Variants in MAGI2 observed in about 807,000 individuals in gnomAD.
The protein encoded by MAGI2 is membrane associated guanylate kinase, WW and PDZ domain containing 2.
Under a neutral mutation model 133.3 loss-of-function variants are expected in MAGI2, and 35 were observed. The ratio of observed to expected loss-of-function variants is 0.26; its 90% CI spans 0.20 to 0.35. The LOEUF is 0.35. MAGI2 is among the 10% of genes least tolerant of loss of function. The probability of loss-of-function intolerance (pLI) is 1.00; values close to 1 mark genes in which losing one functional copy is unlikely to be tolerated. For missense variants in MAGI2, 1,636 were observed against 1,863.4 expected (o/e 0.88, Z 2.25); for synonymous variants, 729 against 710.6 (o/e 1.03, Z -0.41).
At chr7:79,192,486 A>T (rs1264390858) in intron 1 of MAGI2, among the ~76,000 whole-genome samples, 1 of 151,864 alleles carries the variant, frequency 6.6e-6, no homozygotes, top group Non-Finnish European at 1.5e-5. Flanking sequence ...ACAAGAAGGG[A>T]CTGGGATCTA....
chr7:79,024,980 T>C (rs999156902), intron 1 of MAGI2, among the ~76,000 whole-genome samples: 2 of 152,144 alleles, frequency 1.3e-5, no homozygotes, highest in East Asian at 1.9e-4. Context: ...ATCTACTATT[T>C]GACCCAGCAA....
intron 2 of MAGI2, among the ~76,000 whole-genome samples, chr7:78,766,278 T>A (rs956069447): frequency 6.6e-6 from 1 of 152,350 alleles, no homozygotes; most frequent in South Asian, 2.1e-4. Context: ...TGGAGAAAGA[T>A]AGAAACTTCA....
At chr7:78,372,082 G>T (rs531079511) in intron 6 of MAGI2, among the ~76,000 whole-genome samples, 85 of 152,038 alleles carry the variant, frequency 5.6e-4, no homozygotes, top group Non-Finnish European at 7.2e-4. Flanking sequence ...ATGTATATAT[G>T]CATGTGTACC....
intron 9 of MAGI2, among the ~76,000 whole-genome samples, chr7:78,319,743 C>A (rs927976946): frequency 6.6e-6 from 1 of 152,078 alleles, no homozygotes; most frequent in African/African-American, 2.4e-5. Flanking sequence ...CAAACAAATT[C>A]AAAAGCTAGC....
intron 1 of MAGI2, among the ~76,000 whole-genome samples, chr7:79,341,799 A>G (rs73375197): frequency 1.9e-3 from 284 of 152,272 alleles, no homozygotes; most frequent in African/African-American, 5.3e-3. Context: ...TGAATTTCCA[A>G]CAGGTTGAAC....
At chr7:78,603,039 A>G (rs1297911898) in intron 3 of MAGI2, among the ~76,000 whole-genome samples, 1 of 152,202 alleles carries the variant, frequency 6.6e-6, no homozygotes, top group Non-Finnish European at 1.5e-5. Context: ...TCCTTACACA[A>G]TAAAAAAGCA....
chr7:78,325,854 T>C (rs1422290627), intron 9 of MAGI2, among the ~76,000 whole-genome samples: 1 of 152,192 alleles, frequency 6.6e-6, no homozygotes, highest in African/African-American at 2.4e-5. Flanking sequence ...TTCCACACAT[T>C]TCTTAACTTC....
At chr7:79,055,107 T>C (rs1299830575) in intron 1 of MAGI2, among the ~76,000 whole-genome samples, 1 of 152,206 alleles carries the variant, frequency 6.6e-6, no homozygotes, top group African/African-American at 2.4e-5. Flanking sequence ...TTGCCTGTCC[T>C]ATCTTTATGC....
chr7:78,726,388 C>T (rs907183090), intron 2 of MAGI2, among the ~76,000 whole-genome samples: 2 of 152,174 alleles, frequency 1.3e-5, no homozygotes, highest in Admixed American at 1.3e-4. Flanking sequence ...GTATCTTTGT[C>T]TCCACCTTGT....
chr7:79,450,252 T>C (rs1849149181), intron 1 of MAGI2, among the ~76,000 whole-genome samples: 1 of 152,136 alleles, frequency 6.6e-6, no homozygotes, highest in South Asian at 2.1e-4. Context: ...ACATAACTAC[T>C]GGGCCAAGAG....
intron 1 of MAGI2, among the ~76,000 whole-genome samples, chr7:79,144,012 T>C (rs959732597): frequency 6.6e-6 from 1 of 152,146 alleles, no homozygotes; most frequent in East Asian, 1.9e-4. Flanking sequence ...GGTACTTATA[T>C]AGAACACTTC....
intron 1 of MAGI2, among the ~76,000 whole-genome samples, chr7:79,169,672 T>TA (rs5885118): frequency 4.0e-5 from 6 of 151,614 alleles, no homozygotes; most frequent in East Asian, 1.9e-4. Context: ...TTCCATGTGT[T>TA]AAAAAAAAAT....
At chr7:79,269,588 C>T (rs1229398084) in intron 1 of MAGI2, among the ~76,000 whole-genome samples, 2 of 152,116 alleles carry the variant, frequency 1.3e-5, no homozygotes, top group South Asian at 2.1e-4. Flanking sequence ...ATATTTAACA[C>T]CTATACATAA....
intron 6 of MAGI2, among the ~76,000 whole-genome samples, chr7:78,387,247 T>C (rs984876913): frequency 6.6e-6 from 1 of 152,118 alleles, no homozygotes; most frequent in Non-Finnish European, 1.5e-5. Context: ...GGGGGTAAGA[T>C]TTGGAGGTGA....
intron 2 of MAGI2, among the ~76,000 whole-genome samples, chr7:78,752,218 G>C (rs1051855806): frequency 4.6e-5 from 7 of 152,194 alleles, no homozygotes; most frequent in African/African-American, 1.7e-4. Context: ...CAGCAGAGGG[G>C]AAGTTTAGTC....
chr7:78,080,814 T>A (rs1257392604), intron 20 of MAGI2, among the ~76,000 whole-genome samples: 1 of 152,088 alleles, frequency 6.6e-6, no homozygotes, highest in African/African-American at 2.4e-5. Flanking sequence ...GGCAACACCA[T>A]TCACCCAAGC....
At chr7:78,480,693 A>G (rs1792274794) in intron 6 of MAGI2, among the ~76,000 whole-genome samples, 1 of 151,848 alleles carries the variant, frequency 6.6e-6, no homozygotes, top group Non-Finnish European at 1.5e-5. Context: ...CTACCAAAAA[A>G]TTTCCTGCAA....
At chr7:78,068,523 T>C (rs1814096883) in intron 21 of MAGI2, among the ~76,000 whole-genome samples, 2 of 151,936 alleles carry the variant, frequency 1.3e-5, no homozygotes, top group South Asian at 4.2e-4. Flanking sequence ...TGGCTGTGCA[T>C]GAATGGGGGC....
chr7:78,667,201 A>T (rs898108077), intron 2 of MAGI2, among the ~76,000 whole-genome samples: 4 of 151,936 alleles, frequency 2.6e-5, no homozygotes, highest in Non-Finnish European at 5.9e-5. Context: ...CTTCTTCACA[A>T]CACAGATCTC....
Sources: gnomAD v4.1 joint callset for allele counts (sites outside exome capture counted in the v4.1 genomes callset) on GRCh38, gnomAD v4.1.1 for gene constraint, MANE v1.5 for transcripts, NCBI Gene and HGNC (gene_info 2026-07-23, HGNC 2026-07-21) for gene names.